EFHC2: variants seen among roughly 807,000 people sequenced by gnomAD.
EFHC2 encodes EF-hand domain-containing family member C2.
EFHC2 carries 18 observed loss-of-function variants against 52.7 expected under a neutral mutation model. The observed-to-expected ratio is 0.34, with a 90% CI of 0.24 to 0.51. The LOEUF (loss-of-function observed/expected upper bound fraction) is 0.51. EFHC2 is among the 20% of genes least tolerant of loss of function. EFHC2 has a pLI of 0.97. For missense variants in EFHC2, 513 were observed against 562.5 expected (o/e 0.91, Z 0.89); for synonymous variants, 203 against 204.1 (o/e 0.99, Z 0.04).
In EFHC2 at chrX:44,298,982, T is replaced by A. The variant is rs2037849608; in HGVS notation, c.231+13586A>T. On this transcript the variant is annotated intron_variant, in intron 2 of 14. Coordinates refer to ENST00000420999, the MANE Select transcript of EFHC2 (RefSeq NM_025184.4). Reference sequence around the variant, plus strand: ...ATAAATGAGGACTCAAACAGCAAAATCCTAAAGAACACAGTTATTCTGTAT... The same window carrying A: ...ATAAATGAGGACTCAAACAGCAAAAACCTAAAGAACACAGTTATTCTGTAT... Among the ~76,000 whole-genome samples the A allele has an allele frequency of 2.9e-5, 3 of 104,762 alleles. No individual in the cohort carries two copies. In the South Asian group the frequency reaches 1.4e-3, roughly 47 times the overall value. The allele number at this position is 104,762 out of a possible 115,157, so 91.0% of individuals were successfully genotyped here. A position where few individuals can be genotyped will look rare whatever the true frequency, so the allele number is the denominator to read the frequency against.
intron 11 of EFHC2, among the ~76,000 whole-genome samples, chrX:44,205,097 C>A (rs549514630): frequency 9.0e-6 from 1 of 111,331 alleles, no homozygotes; most frequent in Non-Finnish European, 1.9e-5. Flanking sequence ...AATTTCATAC[C>A]CCACCAAACT....
At chrX:44,272,541 G>A (rs968792314) in intron 3 of EFHC2, 145 bp downstream of exon 3, 8 of 552,254 alleles carry the variant, frequency 1.4e-5, no homozygotes, top group Non-Finnish European at 2.2e-5. Context: ...ATAACTACAC[G>A]CTAATGGCAT....
intron 11 of EFHC2, among the ~76,000 whole-genome samples, chrX:44,180,221 T>C (rs759181246): frequency 8.9e-6 from 1 of 111,771 alleles, no homozygotes; most frequent in Non-Finnish European, 1.9e-5. Context: ...TATGGACCTT[T>C]ATTGCCTTTA....
chrX:44,214,775 T>A (rs2037130898), intron 11 of EFHC2, among the ~76,000 whole-genome samples: 1 of 112,334 alleles, frequency 8.9e-6, no homozygotes, highest in Admixed American at 9.4e-5. Flanking sequence ...ATAGCAACAA[T>A]GTATTTGATT....
intron 2 of EFHC2, among the ~76,000 whole-genome samples, chrX:44,292,739 G>C (rs1347535765): frequency 9.1e-6 from 1 of 110,200 alleles, no homozygotes; most frequent in Non-Finnish European, 1.9e-5. Flanking sequence ...CCTCACTATA[G>C]TGAGTTCTCA....
intron 1 of EFHC2, among the ~76,000 whole-genome samples, chrX:44,331,330 T>C (rs1392399151): frequency 1.8e-5 from 2 of 112,192 alleles, no homozygotes; most frequent in Non-Finnish European, 3.8e-5. Flanking sequence ...AGCAAAATTT[T>C]AGAAATGGAA....
At chrX:44,287,026 TAAAAAAA>T (rs57970615) in intron 2 of EFHC2, among the ~76,000 whole-genome samples, 2 of 15,207 alleles carry the variant, frequency 1.3e-4, no homozygotes, top group Non-Finnish European at 2.3e-4. Flanking sequence ...CTCCCATCTC[TAAAAAAA>T]AAAAAAAAAA....
intron 11 of EFHC2, among the ~76,000 whole-genome samples, chrX:44,213,807 G>T (rs1441700244): frequency 2.7e-5 from 3 of 111,811 alleles, no homozygotes; most frequent in Non-Finnish European, 5.6e-5. Flanking sequence ...AAGTATGTCT[G>T]ACCCCTGCCC....
chrX:44,162,599 C>A (rs1172719924), intron 14 of EFHC2, among the ~76,000 whole-genome samples: 2 of 111,818 alleles, frequency 1.8e-5, no homozygotes, highest in African/African-American at 6.5e-5. Context: ...TGCCTTCGCT[C>A]TGGCCACACC....
At chrX:44,338,909 G>A (rs966629001) in intron 1 of EFHC2, among the ~76,000 whole-genome samples, 5 of 111,733 alleles carry the variant, frequency 4.5e-5, no homozygotes, top group South Asian at 3.7e-4. Context: ...CAGAAAGAGC[G>A]GCCAGGCGCG....
chrX:44,195,120 C>T (rs1173585995), intron 11 of EFHC2, among the ~76,000 whole-genome samples: 2 of 112,075 alleles, frequency 1.8e-5, no homozygotes, highest in Non-Finnish European at 3.8e-5. Context: ...TCTAAAGGGG[C>T]ACAATTTTCC....
intron 4 of EFHC2, among the ~76,000 whole-genome samples, chrX:44,260,159 T>C (rs1359066835): frequency 1.8e-5 from 2 of 111,280 alleles, no homozygotes; most frequent in African/African-American, 6.6e-5. Context: ...GAGGGGACTT[T>C]CTGGGGGAAG....
At chrX:44,264,441 G>A (rs2037562053) in intron 3 of EFHC2, among the ~76,000 whole-genome samples, 1 of 111,978 alleles carries the variant, frequency 8.9e-6, no homozygotes, top group Non-Finnish European at 1.9e-5. Context: ...GCCTCTCCCA[G>A]GAGCCTGCAG....
At chrX:44,299,146 A>G (rs1305773632) in intron 2 of EFHC2, among the ~76,000 whole-genome samples, 2 of 110,970 alleles carry the variant, frequency 1.8e-5, no homozygotes, top group Non-Finnish European at 3.8e-5. Context: ...ATAGTATTAT[A>G]CTGTAAACCA....
At chrX:44,232,727 A>G in intron 9 of EFHC2, 50 bp from the exon 10 acceptor site, 4 of 1,089,539 alleles carry the variant, frequency 3.7e-6, no homozygotes, top group Non-Finnish European at 4.9e-6. Flanking sequence ...TAAAAGAACC[A>G]CGTGACTTGC....
At chrX:44,210,684 C>T (rs969951847) in intron 11 of EFHC2, among the ~76,000 whole-genome samples, 5 of 112,343 alleles carry the variant, frequency 4.5e-5, no homozygotes, top group African/African-American at 1.6e-4. Context: ...CAAAGTGGAT[C>T]ATAGCCCTAA....
chrX:44,191,064 G>A (rs981406277), intron 11 of EFHC2, among the ~76,000 whole-genome samples: 10 of 111,625 alleles, frequency 9.0e-5, no homozygotes, highest in Non-Finnish European at 1.7e-4. Flanking sequence ...GGACAAAAGC[G>A]CTCAGCAAGC....
At chrX:44,248,658 T>C (rs188055595) in intron 6 of EFHC2, 145 bp downstream of exon 6, 950 of 535,959 alleles carry the variant, frequency 1.8e-3, no homozygotes, top group Non-Finnish European at 2.4e-3. Context: ...TGTTTATTAC[T>C]GATAAATAGC....
At chrX:44,179,064 G>A (rs2036813251) in intron 11 of EFHC2, among the ~76,000 whole-genome samples, 1 of 106,260 alleles carries the variant, frequency 9.4e-6, no homozygotes, top group African/African-American at 3.4e-5. Flanking sequence ...CCCTGGCAGT[G>A]AGAAAAAAAA....
Sources: allele counts gnomAD v4.1 joint callset (sites outside exome capture counted in the v4.1 genomes callset), GRCh38; gene constraint gnomAD v4.1.1; transcripts MANE v1.5; gene names NCBI Gene and HGNC (gene_info 2026-07-23, HGNC 2026-07-21).